The following CYB5R4 variants were observed in gnomAD, a reference collection of about 807,000 sequenced individuals.
CYB5R4 encodes the protein N-terminal cytochrome b5 and cytochrome b5 oxidoreductase domain-containing protein.
In CYB5R4, 55 loss-of-function variants were observed where a neutral mutation model predicts 70.2. That is an observed-to-expected ratio of 0.78 (90% CI 0.63 to 0.98). CYB5R4 has a LOEUF of 0.98. Ranked by LOEUF, CYB5R4 falls within the 50% of genes least tolerant of loss-of-function variation. The pLI is 0.00. For missense variants in CYB5R4, 562 were observed against 612.6 expected (o/e 0.92, Z 0.87); for synonymous variants, 197 against 199.5 (o/e 0.99, Z 0.11).
At chr6:83,922,291 T>G (rs2099466507) in intron 8 of CYB5R4, 147 bp from the exon 9 acceptor site, 3 of 538,556 alleles carry the variant, frequency 5.6e-6, no homozygotes, top group Non-Finnish European at 1.0e-5. Flanking sequence ...TTATTTTGAT[T>G]GTGTAAAATT....
chr6:83,958,333 C>T (rs61756923), intron 15 of CYB5R4, among the ~76,000 whole-genome samples: 278 of 152,154 alleles, frequency 1.8e-3, no homozygotes, highest in African/African-American at 6.2e-3. Flanking sequence ...CTCAGAACAC[C>T]ACAAATATCT....
At chr6:83,871,402 G>A (rs2099457608) in intron 2 of CYB5R4, among the ~76,000 whole-genome samples, 1 of 152,072 alleles carries the variant, frequency 6.6e-6, no homozygotes, top group African/African-American at 2.4e-5. Context: ...AAGATTATTT[G>A]CTTTCTCTTA....
At chr6:83,944,225 A>G (rs1344413166) in intron 14 of CYB5R4, among the ~76,000 whole-genome samples, 1 of 152,210 alleles carries the variant, frequency 6.6e-6, no homozygotes, top group African/African-American at 2.4e-5. Flanking sequence ...CATCAGACTA[A>G]CAGGGGATCT....
chr6:83,955,503 A>G (rs2099472194), intron 15 of CYB5R4, 41 bp downstream of exon 15: 1 of 1,531,608 alleles, frequency 6.5e-7, no homozygotes, highest in Non-Finnish European at 8.9e-7. Context: ...CCCAACACTG[A>G]AGTGAAGATC....
intron 10 of CYB5R4, chr6:83,929,448 C>T (rs530413358): frequency 2.6e-5 from 4 of 152,230 alleles, no homozygotes; most frequent in Admixed American, 6.5e-5. Flanking sequence ...ATTCATATAT[C>T]AGAAAGAACA....
chr6:83,914,336 TG>T (rs2129138738), intron 4 of CYB5R4, 79 bp from the exon 5 acceptor site: 1 of 1,406,680 alleles, frequency 7.1e-7, no homozygotes, highest in South Asian at 1.3e-5. Context: ...GATGTTATCT[TG>T]AAATCAGTAA....
intron 3 of CYB5R4, among the ~76,000 whole-genome samples, chr6:83,899,175 G>A (rs890616099): frequency 1.1e-4 from 17 of 152,184 alleles, no homozygotes; most frequent in Non-Finnish European, 2.2e-4. Context: ...TTAGCATGAA[G>A]CATTGTTGAA....
At chr6:83,911,811 A>G (rs2099464730) in intron 4 of CYB5R4, among the ~76,000 whole-genome samples, 1 of 152,092 alleles carries the variant, frequency 6.6e-6, no homozygotes, top group Non-Finnish European at 1.5e-5. Context: ...TGGGATGCCA[A>G]GGCAGGTGAA....
chr6:83,875,863 G>A (rs997953013), intron 2 of CYB5R4, among the ~76,000 whole-genome samples: 8 of 152,194 alleles, frequency 5.3e-5, no homozygotes, highest in Admixed American at 3.9e-4. Flanking sequence ...GTCTGGGTCT[G>A]TTTAGTGGAT....
At chr6:83,932,420 A>G (rs1350713680) in intron 10 of CYB5R4, among the ~76,000 whole-genome samples, 1 of 152,166 alleles carries the variant, frequency 6.6e-6, no homozygotes, top group African/African-American at 2.4e-5. Flanking sequence ...TAGAGTAGAA[A>G]TTGTCAATCC....
At chr6:83,907,543 A>G (rs1389592686) in intron 3 of CYB5R4, among the ~76,000 whole-genome samples, 2 of 151,628 alleles carry the variant, frequency 1.3e-5, no homozygotes, top group African/African-American at 2.4e-5. Flanking sequence ...AGGTAAACTC[A>G]TGTCATGAGG....
intron 7 of CYB5R4, among the ~76,000 whole-genome samples, chr6:83,919,997 A>G (rs1588576534): frequency 1.3e-5 from 2 of 152,226 alleles, no homozygotes; most frequent in Middle Eastern, 6.8e-3. Flanking sequence ...AAAGTTAGGG[A>G]GGTAGTTCAT....
intron 2 of CYB5R4, among the ~76,000 whole-genome samples, chr6:83,884,438 A>C (rs542847728): frequency 1.3e-5 from 2 of 152,152 alleles, no homozygotes; most frequent in African/African-American, 2.4e-5. Flanking sequence ...CCAGAGGTAT[A>C]GACATTTTAT....
chr6:83,893,470 A>G, intron 2 of CYB5R4, 52 bp from the exon 3 acceptor site: 1 of 1,042,666 alleles, frequency 9.6e-7, no homozygotes, highest in East Asian at 2.4e-5. Context: ...TATAAGTTTT[A>G]CAATTTTTGA....
At chr6:83,880,703 G>T (rs982127157) in intron 2 of CYB5R4, among the ~76,000 whole-genome samples, 4 of 152,016 alleles carry the variant, frequency 2.6e-5, no homozygotes, top group African/African-American at 9.7e-5. Context: ...AAATGTCAGG[G>T]CTGTTTTTCC....
At chr6:83,916,267 T>G (rs961030255) in intron 5 of CYB5R4, among the ~76,000 whole-genome samples, 1 of 152,152 alleles carries the variant, frequency 6.6e-6, no homozygotes, top group African/African-American at 2.4e-5. Flanking sequence ...GCACCGAGCT[T>G]AAGTATAGAT....
At chr6:83,870,758 A>G (rs1416784063) in intron 2 of CYB5R4, among the ~76,000 whole-genome samples, 3 of 152,026 alleles carry the variant, frequency 2.0e-5, no homozygotes, top group Admixed American at 1.3e-4. Flanking sequence ...ATTAAAACCC[A>G]CTGTATTTGT....
rs185828131 is a variant in CYB5R4, at chr6:83,861,916, T to C, written c.75+2059T>C. ...AGAAATATGCTGCAGGAAATTTTGT[T>C]TGTCAATTAACCCACGGTAAAATTA... On this transcript the variant is annotated intron_variant, in intron 1 of 15. Transcript: ENST00000369681. Among the ~76,000 whole-genome samples, 480 of 152,366 alleles carry C rather than the reference T, an allele frequency of 3.2e-3. 4 individuals carry two copies. Among genetic ancestry groups the C allele is most frequent in the African/African-American group, 0.011 (460 of 41,582 alleles).
At chr6:83,896,537 T>C (rs1271358005) in intron 3 of CYB5R4, among the ~76,000 whole-genome samples, 1 of 152,218 alleles carries the variant, frequency 6.6e-6, no homozygotes, top group Non-Finnish European at 1.5e-5. Flanking sequence ...TCTGTGTCTG[T>C]GTATTTCACT....
Sources: allele counts gnomAD v4.1 joint callset (sites outside exome capture counted in the v4.1 genomes callset), GRCh38; gene constraint gnomAD v4.1.1; transcripts MANE v1.5; gene names NCBI Gene and HGNC (gene_info 2026-07-23, HGNC 2026-07-21).